Variants in UGGT1 observed in about 807,000 individuals in gnomAD.
The protein encoded by UGGT1 is UDP-glucose glycoprotein glucosyltransferase 1, also known as UDP-glucose:glycoprotein glucosyltransferase 1.
A neutral mutation model predicts 203.9 loss-of-function variants in UGGT1; 107 were observed. The ratio of observed to expected loss-of-function variants is 0.52; its 90% CI spans 0.45 to 0.62. UGGT1 has a LOEUF of 0.62. Among genes scored for constraint, UGGT1 ranks in the 20% least tolerant of loss-of-function variants. UGGT1 has a pLI of 0.00. For missense variants in UGGT1, 1,673 were observed against 1,867.2 expected (o/e 0.90, Z 1.92); for synonymous variants, 628 against 653.5 (o/e 0.96, Z 0.59).
rs1688312815 is a variant in UGGT1 at position 128,120,234 on chromosome 2, A to G, written c.873-122A>G. On this transcript the variant is annotated intron_variant, in intron 8 of 40. Coordinates refer to ENST00000259253, the MANE Select transcript of UGGT1 (RefSeq NM_020120.4). ...TAATTATACTTCATTTTTTCCCCCT[A>G]TGTCGTAGAAAATTTCCTAGGGTTG... 5 of 785,956 alleles carry G rather than the reference A, an allele frequency of 6.4e-6. No homozygotes were observed. The South Asian group carries it at 6.7e-5, about 11-fold the overall frequency. 48.7% of individuals were successfully genotyped at this position (785,956 alleles called of 1,614,324 possible).
At chr2:128,142,371 G>T (rs1472566406) in intron 16 of UGGT1, among the ~76,000 whole-genome samples, 2 of 149,762 alleles carry the variant, frequency 1.3e-5, no homozygotes, top group Non-Finnish European at 3.0e-5. Context: ...GAATCACGAG[G>T]TCAGGAGTTC....
In UGGT1 at chr2:128,097,464, A is replaced by T; in HGVS notation, c.94A>T (p.Thr32Ser). The change falls in exon 2 of 41, where the codon ACT (threonine) becomes TCT (serine). Residue 32 changes from threonine to serine, a missense_variant. By Grantham distance (58) the Thr-to-Ser change is moderately conservative. This residue lies in a region of UGGT1 where 83 missense variants were observed against 87.2 expected (regional missense o/e 0.95). Transcript: ENST00000259253. Reference protein sequence around the residue: ...CYKMGVLVVLTVLWLFSSVKA... With the variant: ...CYKMGVLVVLSVLWLFSSVKA... ...TAAAATGGGAGTTCTGGTTGTACTCACTGTTCTGTGGCTGTTCTCCTCAGT... is the reference window on the plus strand; with the variant it reads ...TAAAATGGGAGTTCTGGTTGTACTCTCTGTTCTGTGGCTGTTCTCCTCAGT... The T allele has an allele frequency of 6.2e-7, 1 of 1,614,122 alleles. No individual in the cohort carries two copies.
chr2:128,189,599 A>G (rs1692155570), intron 40 of UGGT1, 118 bp from the exon 41 acceptor site: 1 of 1,001,198 alleles, frequency 1.0e-6, no homozygotes. Context: ...TTAGTAAGTG[A>G]GATAAGATGA....
intron 15 of UGGT1, 30 bp downstream of exon 15, chr2:128,134,991 C>T (rs181219131): frequency 1.3e-6 from 2 of 1,566,596 alleles, no homozygotes; most frequent in African/African-American, 2.7e-5. Flanking sequence ...GATGATGTAT[C>T]TAATTTAGCT....
rs978884534 is a variant in UGGT1, at chr2:128,183,770, G to A, written c.4340G>A (p.Ser1447Asn). The change falls in exon 38 of 41, where the codon AGC becomes AAC. Residue 1447 changes from serine to asparagine, a missense_variant. By Grantham distance (46) the Ser-to-Asn change is conservative. Coordinates refer to ENST00000259253, the MANE Select transcript of UGGT1 (RefSeq NM_020120.4). ...QYQGLSQDPN[S>N]LSNLDQDLPN... Reference sequence around the variant, plus strand: ...CAAGGTCTGAGTCAGGACCCTAACAGCCTTTCAAATCTTGATCAAGTAAGT... The same window carrying A: ...CAAGGTCTGAGTCAGGACCCTAACAACCTTTCAAATCTTGATCAAGTAAGT... 1.9e-6 allele frequency: 3 copies of A among 1,613,976 alleles called. No homozygotes were observed. The highest frequency in any genetic ancestry group is 1.7e-6 in the Non-Finnish European group (2 of 1,179,880).
intron 14 of UGGT1, 138 bp from the exon 15 acceptor site, chr2:128,134,738 G>A (rs1410161248): frequency 2.9e-6 from 2 of 683,698 alleles, no homozygotes; most frequent in Non-Finnish European, 5.1e-6. Context: ...GCTGCTATGT[G>A]TGTAATTCAT....
At chr2:128,125,970 T>A (rs1308473266) in intron 11 of UGGT1, among the ~76,000 whole-genome samples, 2 of 149,654 alleles carry the variant, frequency 1.3e-5, no homozygotes, top group African/African-American at 4.9e-5. Context: ...TGAGATAGAG[T>A]CTTGCTGTGT....
At chr2:128,157,421 G>T (rs924027273) in intron 22 of UGGT1, 75 bp downstream of exon 22, 6 of 1,243,972 alleles carry the variant, frequency 4.8e-6, no homozygotes, top group Non-Finnish European at 7.0e-6. Context: ...TGTGCGGCTA[G>T]GATTGTTCAG....
rs1692281886 is a variant in UGGT1 at position 128,191,902 on chromosome 2, A to G, written c.*2160A>G. 1 of 152,316 alleles carries G rather than the reference A, an allele frequency of 6.6e-6. No homozygotes were observed. The highest frequency in any genetic ancestry group is 2.4e-5 in the African/African-American group (1 of 41,466). The allele number at this position is 152,316 out of a possible 1,614,324, so 9.4% of individuals were successfully genotyped here. On this transcript the variant is annotated 3_prime_UTR_variant, in exon 41 of 41. Coordinates refer to ENST00000259253, the MANE Select transcript of UGGT1 (RefSeq NM_020120.4). ...AAACTTTTGTTCAAGCTGCATCTTCACATTGAATGAAAGCATTCAGACGGG... is the reference window on the plus strand; with the variant it reads ...AAACTTTTGTTCAAGCTGCATCTTCGCATTGAATGAAAGCATTCAGACGGG...
At chr2:128,171,809 A>G (rs762760273) in intron 28 of UGGT1, among the ~76,000 whole-genome samples, 7 of 152,098 alleles carry the variant, frequency 4.6e-5, no homozygotes, top group Non-Finnish European at 8.8e-5. Flanking sequence ...GCCTGGCCCC[A>G]TTTGTGCTTT....
rs987150258 is a variant in UGGT1, at chr2:128,103,243, G to A, written c.195-689G>A. ...AGAGGAGAAGATAAGCAATTGACAT[G>A]AATCATTCAATTACTACGTGCATTT... is the stretch of plus-strand genomic sequence containing the variant. On this transcript the variant is annotated intron_variant, in intron 2 of 40. Coordinates refer to ENST00000259253, the MANE Select transcript of UGGT1 (RefSeq NM_020120.4). The A allele has an allele frequency of 8.4e-5, 29 of 344,598 alleles. No homozygotes were observed. In the Middle Eastern group the frequency reaches 3.1e-3, roughly 36 times the overall value. The allele number at this position is 344,598 out of a possible 1,614,324, so 21.3% of individuals were successfully genotyped here.
At chr2:128,187,781 T>C (rs1289688156) in intron 40 of UGGT1, among the ~76,000 whole-genome samples, 167 bp downstream of exon 40, 2 of 152,016 alleles carry the variant, frequency 1.3e-5, no homozygotes, top group African/African-American at 4.8e-5. Context: ...TATGTTGGTC[T>C]TCTAAACAGT....
intron 38 of UGGT1, 148 bp downstream of exon 38, chr2:128,183,937 TGAGAGAGAGA>T (rs71396517): frequency 2.1e-5 from 7 of 328,556 alleles, no homozygotes; most frequent in Non-Finnish European, 4.0e-5. Context: ...TGTGTGTGTG[TGAGAGAGAGA>T]GAGAGAGAGA....
chr2:128,108,762 T>C (rs1242136848), intron 4 of UGGT1, among the ~76,000 whole-genome samples: 1 of 152,164 alleles, frequency 6.6e-6, no homozygotes, highest in African/African-American at 2.4e-5. Context: ...TCTGGCACCA[T>C]GGAAAGCCCT....
Position 128,173,959 on chromosome 2 carries a change from GA to G in UGGT1, c.3453+21del. Reference sequence around the variant, plus strand: ...AATCTGGTAAATAATCTGTTCATCAGATAGTGATATTGTAGTTACGTTAATT... The same window carrying G: ...AATCTGGTAAATAATCTGTTCATCAGTAGTGATATTGTAGTTACGTTAATT... On this transcript the variant is annotated intron_variant, in intron 30 of 40. Transcript: ENST00000259253. The G allele has an allele frequency of 6.2e-7, 1 of 1,611,982 alleles. No individual in the cohort carries two copies. Among genetic ancestry groups the G allele is most frequent in the South Asian group, 1.1e-5 (1 of 90,892 alleles).
chr2:128,132,617 G>A (rs948660982), intron 13 of UGGT1, among the ~76,000 whole-genome samples: 1 of 152,112 alleles, frequency 6.6e-6, no homozygotes, highest in Non-Finnish European at 1.5e-5. Flanking sequence ...CATTCTTGAC[G>A]CTAGTCCTTT....
At chr2:128,169,761 A>G (rs181961069) in intron 26 of UGGT1, among the ~76,000 whole-genome samples, 1 of 152,340 alleles carries the variant, frequency 6.6e-6, no homozygotes, top group East Asian at 1.9e-4. Flanking sequence ...GTAGTGAGAG[A>G]CGGAAGGAAA....
chr2:128,112,454 T>TTTTATATA lies in UGGT1; in HGVS notation c.522-629_522-628insTTATATAT, dbSNP rs149422257. Among the ~76,000 whole-genome samples, 292 of 55,774 alleles carry TTTTATATA rather than the reference T, an allele frequency of 5.2e-3. 32 individuals are homozygous for TTTTATATA. Among genetic ancestry groups the TTTTATATA allele is most frequent in the Non-Finnish European group, 6.4e-3 (170 of 26,572 alleles). 36.6% of individuals were successfully genotyped at this position (55,774 alleles called of 152,430 possible). The stretch of plus-strand genomic sequence containing the variant: ...AAAAAACCCCCCAAAAAATACTATG[T>TTTTATATA]TATATATATATATATATATTACATA... On this transcript the variant is annotated intron_variant, in intron 5 of 40. Transcript: ENST00000259253.
intron 13 of UGGT1, among the ~76,000 whole-genome samples, chr2:128,131,252 A>T (rs959140064): frequency 6.8e-6 from 1 of 147,434 alleles, no homozygotes; most frequent in African/African-American, 2.5e-5. Flanking sequence ...AAAAAAAAAA[A>T]AAAAAAATTG....
Sources: allele counts gnomAD v4.1 joint callset (sites outside exome capture counted in the v4.1 genomes callset), GRCh38; gene constraint gnomAD v4.1.1; regional missense constraint gnomAD v4.1.1; transcripts MANE v1.5; gene names NCBI Gene and HGNC (gene_info 2026-07-23, HGNC 2026-07-21).